The following DTD1 variants were observed in gnomAD, a reference collection of about 807,000 sequenced individuals.
DTD1 encodes the protein D-tyrosyl-tRNA deacylase 1 homolog.
A neutral mutation model predicts 25.6 loss-of-function variants in DTD1; 13 were observed. The observed-to-expected ratio is 0.51, with a 90% CI of 0.33 to 0.81. The LOEUF is 0.81. Ranked by LOEUF, DTD1 falls within the 30% of genes least tolerant of loss-of-function variation. The pLI, the probability that DTD1 is intolerant of heterozygous loss-of-function variation, is 0.02. For missense variants in DTD1, 193 were observed against 266.4 expected (o/e 0.72, Z 1.92); for synonymous variants, 110 against 103.6 (o/e 1.06, Z -0.37).
intron 3 of DTD1, among the ~76,000 whole-genome samples, chr20:18,621,990 G>T (rs1406867170): frequency 1.3e-5 from 2 of 152,110 alleles, no homozygotes; most frequent in Admixed American, 1.3e-4. Flanking sequence ...CGTGAACCCG[G>T]GAGGCGGAGG....
intron 5 of DTD1, among the ~76,000 whole-genome samples, chr20:18,755,918 C>T (rs1042800595): frequency 6.6e-6 from 1 of 152,204 alleles, no homozygotes; most frequent in African/African-American, 2.4e-5. Flanking sequence ...TTCTCCACAT[C>T]CTCTCCAGCC....
intron 3 of DTD1, among the ~76,000 whole-genome samples, chr20:18,622,148 T>C (rs1446323684): frequency 6.6e-6 from 1 of 152,180 alleles, no homozygotes; most frequent in Non-Finnish European, 1.5e-5. Flanking sequence ...ACATGTGCCA[T>C]GGTGTTTGCT....
chr20:18,759,881 G>A (rs1211929092), intron 5 of DTD1, among the ~76,000 whole-genome samples: 1 of 152,168 alleles, frequency 6.6e-6, no homozygotes, highest in African/African-American at 2.4e-5. Flanking sequence ...CCAATCAGAT[G>A]TAGATTTGGT....
At chr20:18,647,195 T>C (rs910727233) in intron 4 of DTD1, among the ~76,000 whole-genome samples, 1 of 152,220 alleles carries the variant, frequency 6.6e-6, no homozygotes, top group Non-Finnish European at 1.5e-5. Flanking sequence ...TTTCTGTACT[T>C]GACCCTTAAC....
intron 4 of DTD1, among the ~76,000 whole-genome samples, chr20:18,633,997 A>G (rs1210787329): frequency 2.0e-5 from 3 of 152,256 alleles, no homozygotes; most frequent in Non-Finnish European, 4.4e-5. Flanking sequence ...TCTTGCTCCA[A>G]ATGACATATT....
chr20:18,706,245 G>T (rs1568675749), intron 4 of DTD1, among the ~76,000 whole-genome samples: 3 of 152,320 alleles, frequency 2.0e-5, no homozygotes, highest in Non-Finnish European at 2.9e-5. Context: ...GTTTGTAGAA[G>T]TAGGAATTGC....
At chr20:18,687,908 G>A (rs2061023772) in intron 4 of DTD1, among the ~76,000 whole-genome samples, 1 of 152,182 alleles carries the variant, frequency 6.6e-6, no homozygotes, top group Admixed American at 6.5e-5. Flanking sequence ...TGGAGAAAAT[G>A]TGTTTGCAGA....
intron 3 of DTD1, among the ~76,000 whole-genome samples, chr20:18,597,945 G>T (rs1287953734): frequency 4.6e-5 from 7 of 151,980 alleles, no homozygotes; most frequent in Admixed American, 4.6e-4. Flanking sequence ...GCTTAGCTGG[G>T]CATGGAATCC....
chr20:18,667,566 C>T (rs1241334024), intron 4 of DTD1, among the ~76,000 whole-genome samples: 3 of 133,644 alleles, frequency 2.2e-5, no homozygotes, highest in Non-Finnish European at 5.2e-5. Context: ...AAGGGAAGGT[C>T]CCCCCTGGCA....
chr20:18,735,685 T>G (rs969866063), intron 4 of DTD1, among the ~76,000 whole-genome samples: 10 of 152,194 alleles, frequency 6.6e-5, no homozygotes, highest in Non-Finnish European at 2.9e-5. Flanking sequence ...GAGGTGCTCT[T>G]TTTGTAAATT....
Position 18,598,466 on chromosome 20 carries a change from G to T in DTD1, c.370+2225G>T, listed in dbSNP as rs1015120396. On this transcript the variant is annotated intron_variant, in intron 3 of 5. Coordinates refer to ENST00000377452, the MANE Select transcript of DTD1 (RefSeq NM_080820.6). ...TGTGCATGTGTCTTTATAGTAGAAT[G>T]ATTTATAGTCCTTTGGGTGTATACT... Among the ~76,000 whole-genome samples, 3 of 151,896 alleles carry T rather than the reference G, an allele frequency of 2.0e-5. No individual in the cohort carries two copies. The South Asian group carries it at 6.2e-4, about 32-fold the overall frequency.
At chr20:18,632,215 A>G (rs2060791289) in intron 4 of DTD1, 1 of 985,322 alleles carries the variant, frequency 1.0e-6, no homozygotes, top group South Asian at 4.7e-5. Flanking sequence ...CTAACGAGCC[A>G]TGTTAACTTA....
At chr20:18,621,942 T>A (rs2060735976) in intron 3 of DTD1, among the ~76,000 whole-genome samples, 1 of 151,914 alleles carries the variant, frequency 6.6e-6, no homozygotes, top group Admixed American at 6.6e-5. Flanking sequence ...TGGGCGCCTG[T>A]AGTCCCAGCT....
At chr20:18,601,953 G>A (rs939784185) in intron 3 of DTD1, among the ~76,000 whole-genome samples, 2 of 147,304 alleles carry the variant, frequency 1.4e-5, no homozygotes, top group African/African-American at 2.5e-5. Context: ...AGAGAAGAAG[G>A]CTTCAGACGA....
chr20:18,660,246 G>T (rs1170828086), intron 4 of DTD1, among the ~76,000 whole-genome samples: 2 of 152,096 alleles, frequency 1.3e-5, no homozygotes, highest in Non-Finnish European at 2.9e-5. Flanking sequence ...TTGAGATAGG[G>T]TCTCGTTCTG....
chr20:18,690,511 A>G (rs1020906570), intron 4 of DTD1, among the ~76,000 whole-genome samples: 1 of 152,140 alleles, frequency 6.6e-6, no homozygotes, highest in Admixed American at 6.5e-5. Flanking sequence ...TCTTGAGTTA[A>G]TTTTTGCATA....
chr20:18,615,687 C>G (rs1054477675), intron 3 of DTD1, among the ~76,000 whole-genome samples: 44 of 152,230 alleles, frequency 2.9e-4, no homozygotes, highest in African/African-American at 1.0e-3. Flanking sequence ...CAGCTTTGTT[C>G]AGCAAATCAG....
chr20:18,602,632 A>G, intron 3 of DTD1, among the ~76,000 whole-genome samples: 1 of 9,242 alleles, frequency 1.1e-4, no homozygotes, highest in East Asian at 1.6e-3. Flanking sequence ...ACATTCTTAA[A>G]GAAAAGAATT....
At chr20:18,646,422 G>C (rs1441628416) in intron 4 of DTD1, among the ~76,000 whole-genome samples, 3 of 152,296 alleles carry the variant, frequency 2.0e-5, no homozygotes, top group Non-Finnish European at 2.9e-5. Flanking sequence ...CTCTGTTAAA[G>C]GCTGGGGCAA....
Sources: gnomAD v4.1 joint callset for allele counts (sites outside exome capture counted in the v4.1 genomes callset) on GRCh38, gnomAD v4.1.1 for gene constraint, MANE v1.5 for transcripts, NCBI Gene and HGNC (gene_info 2026-07-23, HGNC 2026-07-21) for gene names.